SLC6A11: variants seen among roughly 807,000 people sequenced by gnomAD.
The protein encoded by SLC6A11 is solute carrier family 6 member 11, also known as sodium- and chloride-dependent GABA transporter 3.
In SLC6A11, 25 loss-of-function variants were observed where a neutral mutation model predicts 74.8. The ratio of observed to expected loss-of-function variants is 0.33; its 90% confidence interval spans 0.24 to 0.47. The LOEUF is 0.47. SLC6A11 is among the 20% of genes least tolerant of loss of function. The pLI, the probability that SLC6A11 is intolerant of heterozygous loss-of-function variation, is 1.00. For missense variants in SLC6A11, 574 were observed against 837.0 expected, an observed-to-expected ratio of 0.69 and a Z score of 3.88; for synonymous variants, 330 against 330.2, an observed-to-expected ratio of 1.00 and a Z score of 0.01.
intron 6 of SLC6A11, among the ~76,000 whole-genome samples, chr3:10,875,310 G>T (rs547040044): frequency 6.6e-6 from 1 of 152,350 alleles, no homozygotes; most frequent in African/African-American, 2.4e-5. Context: ...AGGCAAATTT[G>T]TGACATGGTA....
intron 5 of SLC6A11, among the ~76,000 whole-genome samples, chr3:10,857,371 A>G (rs944620736): frequency 2.0e-5 from 3 of 152,140 alleles, no homozygotes; most frequent in African/African-American, 7.2e-5. Flanking sequence ...TATCAGAGGA[A>G]GGTCCCATGG....
In SLC6A11 at chr3:10,929,359, C is replaced by T. The variant is rs778399476; in HGVS notation, c.1371+20C>T. 1 of 1,612,314 alleles carries T rather than the reference C, an allele frequency of 6.2e-7. No homozygotes were observed. The highest frequency in any genetic ancestry group is 1.7e-5 in the Admixed American group (1 of 59,888). ...ACAGAGGTGAGTGGCATGGTTCGGG[C>T]CGCACGGGGTGAAGTGGGTGTGTGA... is the stretch of plus-strand genomic sequence containing the variant. On this transcript the variant is annotated intron_variant, in intron 10 of 13. Coordinates refer to ENST00000254488, the MANE Select transcript of SLC6A11 (RefSeq NM_014229.3).
intron 6 of SLC6A11, among the ~76,000 whole-genome samples, chr3:10,894,989 C>T (rs767115822): frequency 2.8e-4 from 42 of 152,208 alleles, no homozygotes; most frequent in Non-Finnish European, 4.0e-4. Context: ...TCATACAGAT[C>T]TGGGATTGAG....
intron 7 of SLC6A11, among the ~76,000 whole-genome samples, chr3:10,917,029 T>A (rs574609858): frequency 3.1e-4 from 47 of 152,274 alleles, no homozygotes; most frequent in Non-Finnish European, 6.5e-4. Flanking sequence ...TCCTGGTGTG[T>A]TGTTGAGAAT....
At chr3:10,854,071 G>A (rs140062599) in intron 5 of SLC6A11, among the ~76,000 whole-genome samples, 20 of 152,292 alleles carry the variant, frequency 1.3e-4, no homozygotes, top group African/African-American at 4.8e-4. Context: ...TTTAAAAATT[G>A]TCCAAACAAT....
At chr3:10,850,975 T>A (rs890657075) in intron 5 of SLC6A11, among the ~76,000 whole-genome samples, 1 of 152,164 alleles carries the variant, frequency 6.6e-6, no homozygotes, top group Non-Finnish European at 1.5e-5. Flanking sequence ...TGGTTCCATA[T>A]AAGATTTTGA....
chr3:10,919,335 G>C (rs1479017513), intron 8 of SLC6A11, among the ~76,000 whole-genome samples: 1 of 152,186 alleles, frequency 6.6e-6, no homozygotes, highest in Admixed American at 6.5e-5. Flanking sequence ...CCTCAGATAA[G>C]TATAAATAGG....
At chr3:10,901,294 C>T (rs1034692979) in intron 6 of SLC6A11, among the ~76,000 whole-genome samples, 1 of 152,244 alleles carries the variant, frequency 6.6e-6, no homozygotes, top group African/African-American at 2.4e-5. Flanking sequence ...CCTATGCACT[C>T]TCCATGCCTG....
intron 4 of SLC6A11, among the ~76,000 whole-genome samples, chr3:10,842,952 C>T (rs552791600): frequency 6.6e-5 from 10 of 152,128 alleles, no homozygotes; most frequent in Non-Finnish European, 1.2e-4. Context: ...CCCAGGGAGA[C>T]AGACACTGAG....
At chr3:10,892,389 CCATCTCGGTCCTT>C (rs1490444624) in intron 6 of SLC6A11, among the ~76,000 whole-genome samples, 2 of 152,168 alleles carry the variant, frequency 1.3e-5, no homozygotes, top group South Asian at 2.1e-4. Flanking sequence ...TATGCTGTAC[CCATCTCGGTCCTT>C]CATGCCCCAC....
intron 10 of SLC6A11, among the ~76,000 whole-genome samples, chr3:10,930,793 C>G (rs1575708205): frequency 6.6e-6 from 1 of 152,158 alleles, no homozygotes; most frequent in Non-Finnish European, 1.5e-5. Flanking sequence ...CTCTGATACC[C>G]AACCTCTGAC....
chr3:10,923,260 A>C (rs1695559736), intron 8 of SLC6A11, among the ~76,000 whole-genome samples: 1 of 151,778 alleles, frequency 6.6e-6, no homozygotes, highest in South Asian at 2.1e-4. Flanking sequence ...TAAAAAAAAA[A>C]AAAACACAGG....
chr3:10,850,693 G>A (rs1380677098), intron 5 of SLC6A11, among the ~76,000 whole-genome samples: 1 of 152,200 alleles, frequency 6.6e-6, no homozygotes, highest in South Asian at 2.1e-4. Context: ...GGTGGCATGA[G>A]ATCAGAAGGG....
At chr3:10,837,872 T>C (rs1694387060) in intron 4 of SLC6A11, among the ~76,000 whole-genome samples, 1 of 152,214 alleles carries the variant, frequency 6.6e-6, no homozygotes, top group Admixed American at 6.5e-5. Flanking sequence ...TACTTCTTTC[T>C]TCCTGGAGAA....
intron 4 of SLC6A11, among the ~76,000 whole-genome samples, chr3:10,828,463 G>T (rs914542607): frequency 6.6e-6 from 1 of 152,114 alleles, no homozygotes; most frequent in African/African-American, 2.4e-5. Flanking sequence ...TGAGATTTGG[G>T]ATCAGAGGAA....
intron 6 of SLC6A11, among the ~76,000 whole-genome samples, chr3:10,891,074 G>C (rs984599555): frequency 6.6e-6 from 1 of 152,170 alleles, no homozygotes; most frequent in African/African-American, 2.4e-5. Flanking sequence ...CATACCCACA[G>C]CATGCAATCT....
In SLC6A11 at chr3:10,926,053, T is replaced by C. The variant is rs2272395; in HGVS notation, c.1170T>C (p.Pro390=). ...IAYPKAVTMM[P]LSPLWATLFF... ...ACCCCAAGGCGGTCACCATGATGCC[T>C]CTCTCCCCGCTGTGGGCCACCTTGT... The change falls in exon 9 of 14, where the codon CCT becomes CCC. Residue 390 remains proline (P), a synonymous_variant. Transcript: ENST00000254488. This position sits in a 1 kb window ranked among gnomAD's most constrained non-coding sequence, Gnocchi z 5.7. The C allele has an allele frequency of 0.42, 673,292 of 1,610,976 alleles. 146,406 individuals are homozygous for C. The highest frequency in any genetic ancestry group is 0.45 in the Non-Finnish European group (528,704 of 1,177,916).
rs756511555 is a variant in SLC6A11 at position 10,938,446 on chromosome 3, G to A, written c.*44G>A. On this transcript the variant is annotated 3_prime_UTR_variant, in exon 14 of 14. Coordinates refer to ENST00000254488, the MANE Select transcript of SLC6A11 (RefSeq NM_014229.3). ...GGGCTCTTCTTCCTTTCTTCCCCCC[G>A]TGTATGTAAATGAATTCCTGAACCC... 26 of 1,542,090 alleles carry A rather than the reference G, an allele frequency of 1.7e-5. No homozygotes were observed. The highest frequency in any genetic ancestry group is 3.7e-5 in the Admixed American group (2 of 53,500).
chr3:10,830,071 CAA>C (rs1262194404), intron 4 of SLC6A11, among the ~76,000 whole-genome samples: 63 of 151,672 alleles, frequency 4.2e-4, no homozygotes, highest in African/African-American at 1.5e-3. Context: ...AAAAAAAAAA[CAA>C]AAAGAGTTTT....
Sources: gnomAD v4.1 joint callset for allele counts (sites outside exome capture counted in the v4.1 genomes callset) on GRCh38, gnomAD v4.1.1 for gene constraint, Gnocchi (gnomAD v3.1) non-coding constraint, MANE v1.5 for transcripts, NCBI Gene and HGNC (gene_info 2026-07-23, HGNC 2026-07-21) for gene names.